Variants in ERC1 observed in about 807,000 individuals in gnomAD.
ERC1 encodes the protein ELKS/RAB6-interacting/CAST family member 1, also known as RAB6 interacting protein 2.
A neutral mutation model predicts 132.0 loss-of-function variants in ERC1; 56 were observed. That is an observed-to-expected ratio of 0.42 (90% CI 0.34 to 0.53). The LOEUF is 0.53. Ranked by LOEUF, ERC1 falls within the 20% of genes least tolerant of loss-of-function variation. The pLI, the probability that ERC1 is intolerant of heterozygous loss-of-function variation, is 0.03. For missense variants in ERC1, 1,202 were observed against 1,349.9 expected (o/e 0.89, Z 1.72); for synonymous variants, 478 against 476.1 (o/e 1.00, Z -0.05).
At chr12:1,407,722 T>G (rs957650132) in intron 16 of ERC1, among the ~76,000 whole-genome samples, 1 of 152,204 alleles carries the variant, frequency 6.6e-6, no homozygotes, top group Non-Finnish European at 1.5e-5. Flanking sequence ...TAGTGTTTGA[T>G]TCAGTTCCTA....
At chr12:1,372,023 A>G in intron 16 of ERC1, 46 bp downstream of exon 16, 1 of 1,600,660 alleles carries the variant, frequency 6.2e-7, no homozygotes, top group Non-Finnish European at 8.5e-7. Context: ...CAGCTTTCAC[A>G]CCATTCTCCA....
At chr12:1,180,276 TGTGTGTGC>T (rs1370557589) in intron 8 of ERC1, among the ~76,000 whole-genome samples, 63 of 147,798 alleles carry the variant, frequency 4.3e-4, no homozygotes, top group African/African-American at 1.6e-3. Flanking sequence ...TGTGTGTGTG[TGTGTGTGC>T]GCGCACGCGT....
intron 14 of ERC1, among the ~76,000 whole-genome samples, chr12:1,278,665 CTTTTAGTAACTCTGTACT>C (rs1463327952): frequency 3.9e-5 from 6 of 152,158 alleles, no homozygotes; most frequent in Non-Finnish European, 8.8e-5. Flanking sequence ...CATTTCTCCA[CTTTTAGTAACTCTGTACT>C]TAAAGTTTGA....
At chr12:1,231,145 AT>A (rs60323949) in intron 12 of ERC1, among the ~76,000 whole-genome samples, 44,481 of 146,914 alleles carry the variant, frequency 0.3, 6,624 homozygotes, top group Middle Eastern at 0.39. Flanking sequence ...TTCTGATTTG[AT>A]TTTTTTTTTT....
intron 8 of ERC1, among the ~76,000 whole-genome samples, chr12:1,173,587 A>G (rs1212376240): frequency 6.6e-6 from 1 of 152,170 alleles, no homozygotes; most frequent in Non-Finnish European, 1.5e-5. Flanking sequence ...TAAATCTTAT[A>G]TTTCAGATCC....
chr12:1,494,829 A>T lies in ERC1; in HGVS notation c.*4599A>T, dbSNP rs937423066. ...ATGAAAAATTAAACAGCTGTGTTTT[A>T]AAAATGCAAACCAATATCTTGTTAA... On this transcript the variant is annotated 3_prime_UTR_variant, in exon 19 of 19. Transcript: ENST00000360905. 5 of 230,304 alleles carry T rather than the reference A, an allele frequency of 2.2e-5. No individual in the cohort carries two copies. The highest frequency in any genetic ancestry group is 4.3e-5 in the Non-Finnish European group (5 of 116,242). The allele number at this position is 230,304 out of a possible 1,614,324, so 14.3% of individuals were successfully genotyped here.
At chr12:1,124,809 A>T (rs1192757513) in intron 7 of ERC1, among the ~76,000 whole-genome samples, 1 of 152,146 alleles carries the variant, frequency 6.6e-6, no homozygotes, top group Non-Finnish European at 1.5e-5. Flanking sequence ...TTATATTCGA[A>T]TAAGCTTGAA....
At chr12:1,243,277 C>T (rs1024529367) in intron 13 of ERC1, among the ~76,000 whole-genome samples, 7 of 151,620 alleles carry the variant, frequency 4.6e-5, no homozygotes, top group Admixed American at 4.6e-4. Flanking sequence ...TCTGCAAATA[C>T]GACAGCATTT....
intron 12 of ERC1, among the ~76,000 whole-genome samples, chr12:1,193,629 C>T (rs922932535): frequency 6.6e-6 from 1 of 152,016 alleles, no homozygotes; most frequent in Admixed American, 6.6e-5. Context: ...AGACTGAAAT[C>T]CCTGTGGCAG....
At chr12:1,394,201 C>T (rs561131366) in intron 16 of ERC1, among the ~76,000 whole-genome samples, 8 of 151,088 alleles carry the variant, frequency 5.3e-5, no homozygotes, top group South Asian at 4.2e-4. Context: ...GAGATCGAGA[C>T]CATCCTGGCT....
chr12:1,176,418 TA>T (rs1437996702), intron 8 of ERC1, among the ~76,000 whole-genome samples: 1 of 152,188 alleles, frequency 6.6e-6, no homozygotes, highest in African/African-American at 2.4e-5. Flanking sequence ...GTTCCATTTA[TA>T]AAGCATAGGC....
At chr12:1,401,001 T>G (rs2091009467) in intron 16 of ERC1, among the ~76,000 whole-genome samples, 1 of 133,886 alleles carries the variant, frequency 7.5e-6, no homozygotes, top group Non-Finnish European at 1.5e-5. Flanking sequence ...AGTGGCGTGA[T>G]CTGGGCTCAC....
At chr12:1,319,332 C>G (rs927595053) in intron 15 of ERC1, among the ~76,000 whole-genome samples, 3 of 152,120 alleles carry the variant, frequency 2.0e-5, no homozygotes, top group African/African-American at 7.2e-5. Context: ...GTATTTACCT[C>G]TGTTTGTTAG....
At chr12:1,308,924 G>A (rs1463284524) in intron 15 of ERC1, among the ~76,000 whole-genome samples, 1 of 152,216 alleles carries the variant, frequency 6.6e-6, no homozygotes, top group Non-Finnish European at 1.5e-5. Context: ...ATTAGGTCTT[G>A]AAGGTGGAGT....
At chr12:1,241,952 G>A (rs1300466997) in intron 13 of ERC1, among the ~76,000 whole-genome samples, 1 of 140,696 alleles carries the variant, frequency 7.1e-6, no homozygotes, top group Non-Finnish European at 1.5e-5. Context: ...TTCACCTCCT[G>A]GGTTCAAGTG....
chr12:1,401,937 CAAAG>C (rs2091105345), intron 16 of ERC1, among the ~76,000 whole-genome samples: 1 of 151,858 alleles, frequency 6.6e-6, no homozygotes, highest in African/African-American at 2.4e-5. Flanking sequence ...TTGAAAATAT[CAAAG>C]AGAGATTAGG....
intron 17 of ERC1, among the ~76,000 whole-genome samples, chr12:1,415,439 A>G (rs2092069613): frequency 6.6e-6 from 1 of 152,234 alleles, no homozygotes; most frequent in Admixed American, 6.5e-5. Flanking sequence ...GAGATGATGT[A>G]AATATTAACA....
At chr12:1,096,261 C>A (rs1225201910) in intron 3 of ERC1, among the ~76,000 whole-genome samples, 1 of 152,076 alleles carries the variant, frequency 6.6e-6, no homozygotes, top group East Asian at 1.9e-4. Context: ...TTTCGGTTTT[C>A]TTTAGGAATT....
At chr12:1,136,461 G>A (rs1949260762) in intron 7 of ERC1, among the ~76,000 whole-genome samples, 1 of 152,106 alleles carries the variant, frequency 6.6e-6, no homozygotes, top group Admixed American at 6.5e-5. Flanking sequence ...ATATATTTAT[G>A]TGATCTATTT....
Sources: allele counts gnomAD v4.1 joint callset (sites outside exome capture counted in the v4.1 genomes callset), GRCh38; gene constraint gnomAD v4.1.1; transcripts MANE v1.5; gene names NCBI Gene and HGNC (gene_info 2026-07-23, HGNC 2026-07-21).